Variants in RBFOX2 observed in about 807,000 individuals in gnomAD.
RBFOX2 encodes RNA binding protein fox-1 homolog 2.
In RBFOX2, 10 loss-of-function variants were observed where a neutral mutation model predicts 49.1. The observed-to-expected ratio is 0.20, with a 90% CI of 0.13 to 0.35. The LOEUF is 0.35. Among genes scored for constraint, RBFOX2 ranks in the 10% least tolerant of loss-of-function variants. RBFOX2 has a pLI of 1.00. For missense variants in RBFOX2, 323 were observed against 486.9 expected (o/e 0.66, Z 3.17); for synonymous variants, 183 against 187.4 (o/e 0.98, Z 0.19).
intron 1 of RBFOX2, among the ~76,000 whole-genome samples, chr22:35,892,249 C>G (rs1037064558): frequency 2.2e-4 from 34 of 152,172 alleles, no homozygotes; most frequent in Non-Finnish European, 4.7e-4. Flanking sequence ...AGTAACTTAA[C>G]AGTCATACAC....
intron 5 of RBFOX2, among the ~76,000 whole-genome samples, chr22:35,767,014 G>A (rs1941192567): frequency 2.6e-5 from 4 of 152,162 alleles, no homozygotes; most frequent in Admixed American, 2.6e-4. Flanking sequence ...ACAAACGGGG[G>A]TTTGGGAAAC....
intron 1 of RBFOX2, among the ~76,000 whole-genome samples, chr22:35,904,884 A>G (rs1250506894): frequency 1.3e-5 from 2 of 152,216 alleles, no homozygotes; most frequent in African/African-American, 4.8e-5. Flanking sequence ...AATACTAGCC[A>G]CATGTCAAGT....
At chr22:35,751,360 G>A (rs1378238435) in intron 9 of RBFOX2, among the ~76,000 whole-genome samples, 1 of 152,108 alleles carries the variant, frequency 6.6e-6, no homozygotes, top group East Asian at 1.9e-4. Context: ...CAAAATGAAA[G>A]CTTGTTACCT....
chr22:35,770,786 G>A (rs984244357), intron 4 of RBFOX2, among the ~76,000 whole-genome samples: 14 of 152,130 alleles, frequency 9.2e-5, no homozygotes, highest in African/African-American at 3.4e-4. Context: ...AAATGTCAAA[G>A]TTTAACATTC....
At chr22:35,791,101 T>G (rs923118346) in intron 2 of RBFOX2, among the ~76,000 whole-genome samples, 7 of 152,002 alleles carry the variant, frequency 4.6e-5, no homozygotes, top group African/African-American at 1.7e-4. Flanking sequence ...AAGAAAAAAG[T>G]AGGCCTGGCG....
At chr22:35,775,685 C>T (rs1943694306) in intron 4 of RBFOX2, among the ~76,000 whole-genome samples, 3 of 151,270 alleles carry the variant, frequency 2.0e-5, no homozygotes, top group African/African-American at 7.3e-5. Flanking sequence ...ACTAAAAATA[C>T]CAAAAATTAG....
chr22:35,796,711 C>G (rs1948854462), intron 2 of RBFOX2, among the ~76,000 whole-genome samples: 1 of 152,086 alleles, frequency 6.6e-6, no homozygotes, highest in Non-Finnish European at 1.5e-5. Flanking sequence ...AACATTAAAC[C>G]TCAGTCATTA....
chr22:35,908,329 T>C lies in RBFOX2; in HGVS notation c.-34+30518A>G, dbSNP rs1006106001. Among the ~76,000 whole-genome samples the C allele has an allele frequency of 2.6e-5, 4 of 152,298 alleles. No homozygotes were observed. The South Asian group carries it at 6.2e-4, about 24-fold the overall frequency. Reference sequence around the variant, plus strand: ...ATAAACTCATCATAAGTTGAAAATATAGTAAGTCAAAAATGCATTTAACAC... The same window carrying C: ...ATAAACTCATCATAAGTTGAAAATACAGTAAGTCAAAAATGCATTTAACAC... On this transcript the variant is annotated intron_variant, in intron 1 of 13. Transcript: ENST00000359369.
chr22:35,765,680 A>C (rs1317909997), intron 5 of RBFOX2, among the ~76,000 whole-genome samples, 197 bp from the exon 7 acceptor site: 1 of 152,152 alleles, frequency 6.6e-6, no homozygotes, highest in Non-Finnish European at 1.5e-5. Flanking sequence ...GGATAACAAG[A>C]GTAAAGTGAG....
At chr22:35,989,768 T>C (rs1048944944) in intron 1 of RBFOX2, among the ~76,000 whole-genome samples, 16 of 152,088 alleles carry the variant, frequency 1.1e-4, no homozygotes, top group African/African-American at 3.6e-4. Context: ...AGCTCCAATC[T>C]GAGGGTTTCT....
intron 1 of RBFOX2, among the ~76,000 whole-genome samples, chr22:35,914,075 C>T (rs1033847189): frequency 6.6e-6 from 1 of 152,112 alleles, no homozygotes; most frequent in Non-Finnish European, 1.5e-5. Flanking sequence ...TAAAGAATAT[C>T]AGAGTGAAAA....
intron 2 of RBFOX2, among the ~76,000 whole-genome samples, chr22:35,789,761 C>T (rs1045886422): frequency 1.3e-5 from 2 of 152,098 alleles, no homozygotes; most frequent in Admixed American, 1.3e-4. Context: ...AGGTCCTACT[C>T]CCTGTAACGT....
chr22:35,748,796 T>C (rs921394497), intron 9 of RBFOX2, among the ~76,000 whole-genome samples: 2 of 152,252 alleles, frequency 1.3e-5, no homozygotes, highest in Non-Finnish European at 2.9e-5. Context: ...TGAAGTCTTA[T>C]GCCATACGGC....
At chr22:35,859,107 G>A (rs1358963009) in intron 1 of RBFOX2, among the ~76,000 whole-genome samples, 1 of 152,136 alleles carries the variant, frequency 6.6e-6, no homozygotes. Context: ...AATACCATTC[G>A]ATAAATGCCA....
chr22:35,939,759 A>G (rs138616764), upstream of RBFOX2, among the ~76,000 whole-genome samples: 124 of 152,256 alleles, frequency 8.1e-4, no homozygotes, highest in South Asian at 8.5e-3. Flanking sequence ...ATGAACACTC[A>G]TTTCCAGCTT....
At chr22:35,853,642 T>C (rs1228981532) in intron 1 of RBFOX2, among the ~76,000 whole-genome samples, 1 of 148,974 alleles carries the variant, frequency 6.7e-6, no homozygotes, top group African/African-American at 2.5e-5. Flanking sequence ...GCCATACATA[T>C]ACATATATAT....
intron 1 of RBFOX2, among the ~76,000 whole-genome samples, chr22:35,834,938 T>C (rs1957388168): frequency 6.6e-6 from 1 of 152,152 alleles, no homozygotes; most frequent in African/African-American, 2.4e-5. Context: ...TGAATTAGTT[T>C]CCTGAATTTA....
chr22:35,919,405 C>T (rs1191056121), intron 1 of RBFOX2, among the ~76,000 whole-genome samples: 6 of 151,998 alleles, frequency 3.9e-5, no homozygotes, highest in Non-Finnish European at 8.8e-5. Flanking sequence ...AGGTGGCATG[C>T]GCCTGTAGTC....
chr22:35,867,699 T>C (rs2149150714), intron 1 of RBFOX2, among the ~76,000 whole-genome samples: 1 of 152,326 alleles, frequency 6.6e-6, no homozygotes, highest in Non-Finnish European at 1.5e-5. Flanking sequence ...TTGAAAACTA[T>C]TTTATGAAGA....
Sources: gnomAD v4.1 joint callset for allele counts (sites outside exome capture counted in the v4.1 genomes callset) on GRCh38, gnomAD v4.1.1 for gene constraint, MANE v1.5 for transcripts, NCBI Gene and HGNC (gene_info 2026-07-23, HGNC 2026-07-21) for gene names.